The following WNT5A variants were observed in gnomAD, a reference collection of about 807,000 sequenced individuals.
WNT5A encodes Wnt family member 5A, also known as protein Wnt-5a.
WNT5A carries 9 observed loss-of-function variants against 42.1 expected under a neutral mutation model. The observed-to-expected ratio is 0.21, with a 90% confidence interval of 0.13 to 0.37. WNT5A has a LOEUF of 0.37. WNT5A is among the 10% of genes least tolerant of loss of function. WNT5A has a pLI of 1.00. For missense variants in WNT5A, 426 were observed against 534.0 expected (o/e 0.80, Z 1.99); for synonymous variants, 210 against 210.0 (o/e 1.00, Z 0.00).
At chr3:55,479,607 T>G (rs2051420377) in intron 2 of WNT5A, 43 bp from the exon 3 acceptor site, 6 of 1,533,002 alleles carry the variant, frequency 3.9e-6, no homozygotes, top group African/African-American at 1.4e-5. Flanking sequence ...ACGTGAAATC[T>G]CGAGGTGGGC....
rs1028635712 is a variant in WNT5A at position 55,469,574 on chromosome 3, T to A, written c.*518A>T. 6.5e-6 allele frequency: 1 copy of A among 152,846 alleles called. No homozygotes were observed. The highest frequency in any genetic ancestry group is 6.5e-5 in the Admixed American group (1 of 15,354). 9.5% of individuals were successfully genotyped at this position (152,846 alleles called of 1,614,324 possible). A position where few individuals can be genotyped will look rare whatever the true frequency, so the allele number is the denominator to read the frequency against. ...GCAGAAAGCAAGCTAGCAGCCCTGC[T>A]GGGGAAGGGAGGTTTGTTTTGTTTT... On this transcript the variant is annotated 3_prime_UTR_variant, in exon 5 of 5. Transcript: ENST00000264634.
the WNT5A span, among the ~76,000 whole-genome samples, chr3:55,499,568 A>G: frequency 6.6e-6 from 1 of 152,360 alleles, no homozygotes; most frequent in South Asian, 2.1e-4. Context: ...ATTTGGAAAC[A>G]TAATTTAAAT....
the WNT5A span, among the ~76,000 whole-genome samples, chr3:55,497,812 G>A: frequency 0.056 from 8,467 of 152,144 alleles, 310 homozygotes; most frequent in Middle Eastern, 0.1. Context: ...TATGAGGAGA[G>A]ATGGAGAGAG....
intron 3 of WNT5A, among the ~76,000 whole-genome samples, chr3:55,475,512 T>C (rs1217055572): frequency 6.6e-6 from 1 of 152,226 alleles, no homozygotes; most frequent in Non-Finnish European, 1.5e-5. Context: ...GAGTTATAAA[T>C]GAAGCTTGCT....
At chr3:55,485,917 C>T (rs2051570167) in intron 1 of WNT5A, among the ~76,000 whole-genome samples, 1 of 151,820 alleles carries the variant, frequency 6.6e-6, no homozygotes, top group African/African-American at 2.4e-5. Flanking sequence ...ATCTTAATTT[C>T]AATTCTAACC....
intron 3 of WNT5A, among the ~76,000 whole-genome samples, chr3:55,476,610 A>G (rs1288764515): frequency 6.6e-6 from 1 of 152,158 alleles, no homozygotes; most frequent in African/African-American, 2.4e-5. Context: ...AACACAAACA[A>G]TGCTTCTTTT....
At chr3:55,493,945 G>A (rs147141752), upstream of WNT5A, 12 of 152,312 alleles carry the variant, frequency 7.9e-5, no homozygotes, top group East Asian at 2.3e-3. Context: ...CTGAAAAGTT[G>A]TTTGCTCCTA....
chr3:55,482,845 CAA>C, intron 1 of WNT5A, among the ~76,000 whole-genome samples: 1 of 152,292 alleles, frequency 6.6e-6, no homozygotes, highest in Non-Finnish European at 1.5e-5. Flanking sequence ...GCCCAGGCTG[CAA>C]AGTCAACTCT....
the WNT5A span, among the ~76,000 whole-genome samples, chr3:55,499,723 C>G: frequency 1.3e-5 from 2 of 152,146 alleles, no homozygotes; most frequent in African/African-American, 4.8e-5. Context: ...CCTGTAATCC[C>G]AGCACTTTGG....
At chr3:55,502,271 G>C in the WNT5A span, among the ~76,000 whole-genome samples, 1 of 152,192 alleles carries the variant, frequency 6.6e-6, no homozygotes, top group Admixed American at 6.5e-5. Context: ...GTCTTGTGCT[G>C]ATGGGGTCAG....
Position 55,470,103 on chromosome 3 carries a change from C to A in WNT5A, c.1132G>T (p.Val378Leu). The A allele has an allele frequency of 6.2e-7, 1 of 1,614,082 alleles. No individual in the cohort carries two copies. ...CTGGGTGGCACCCACTACTTGCACA[C>A]AAACTGGTCCACGATCTCCGTGCAC... ...KKCTEIVDQF[V>L]CK Residue 378 changes from valine to leucine, a missense_variant, in exon 5 of 5, where the codon GTG becomes TTG. Val to Leu is a conservative substitution (Grantham distance 32). This residue lies in a region of WNT5A where 358 missense variants were observed against 468.1 expected (regional missense o/e 0.76). Coordinates refer to ENST00000264634, the MANE Select transcript of WNT5A (RefSeq NM_003392.7).
At chr3:55,471,399 T>C (rs577888381) in intron 4 of WNT5A, among the ~76,000 whole-genome samples, 1 of 152,194 alleles carries the variant, frequency 6.6e-6, no homozygotes, top group African/African-American at 2.4e-5. Flanking sequence ...CCAAGCAACA[T>C]AGATTGTGTT....
Position 55,465,819 on chromosome 3 carries a change from T to C in WNT5A, c.*4273A>G, listed in dbSNP as rs965129439. 1.3e-5 allele frequency: 2 copies of C among 152,188 alleles called. No individual in the cohort carries two copies. The highest frequency in any genetic ancestry group is 2.4e-5 in the African/African-American group (1 of 41,434). The allele number at this position is 152,188 out of a possible 1,614,324, so 9.4% of individuals were successfully genotyped here. A position where few individuals can be genotyped will look rare whatever the true frequency, so the allele number is the denominator to read the frequency against. On this transcript the variant is annotated 3_prime_UTR_variant, in exon 5 of 5. Coordinates refer to ENST00000264634, the MANE Select transcript of WNT5A (RefSeq NM_003392.7). ...GCAAATTGTACACTGCATATAAAAA[T>C]GGTCTAAGATGCAATTTTCCTCCAT...
upstream of WNT5A, among the ~76,000 whole-genome samples, chr3:55,491,483 A>G (rs920835207): frequency 6.6e-6 from 1 of 152,184 alleles, no homozygotes; most frequent in Non-Finnish European, 1.5e-5. Context: ...AAATAAATCA[A>G]TATTTTTGGC....
chr3:55,486,831 A>C, intron 1 of WNT5A, 149 bp downstream of exon 1: 2 of 707,640 alleles, frequency 2.8e-6, no homozygotes, highest in Non-Finnish European at 2.6e-6. Context: ...GCGAAGGGGT[A>C]GGGGTTCCTG....
Position 55,479,389 on chromosome 3 carries a change from A to C in WNT5A, c.316T>G (p.Tyr106Asp). 1 of 1,613,954 alleles carries C rather than the reference A, an allele frequency of 6.2e-7. No individual in the cohort carries two copies. Among genetic ancestry groups the C allele is most frequent in the East Asian group, 2.2e-5 (1 of 44,884 alleles). ...TTCCACCTTCGATGTCGGAATTGAT[A>C]CTGGCATTCTTTGATGCCTGTCTTC... ...GAKTGIKECQYQFRHRRWNCS... is the reference protein window; with the variant it reads ...GAKTGIKECQDQFRHRRWNCS... The change falls in exon 3 of 5, where the codon TAT becomes GAT. Residue 106 changes from tyrosine (Y) to aspartate (D), a missense_variant. Transcript: ENST00000264634.
intron 4 of WNT5A, 64 bp from the exon 5 acceptor site, chr3:55,470,614 A>G (rs2051232487): frequency 1.3e-5 from 18 of 1,403,436 alleles, no homozygotes; most frequent in Non-Finnish European, 1.7e-5. Context: ...GGCTATAGGA[A>G]CAAAGTTCTC....
chr3:55,485,492 CACAA>C (rs1419033550), intron 1 of WNT5A, among the ~76,000 whole-genome samples: 2 of 152,132 alleles, frequency 1.3e-5, no homozygotes, highest in Non-Finnish European at 2.9e-5. Flanking sequence ...CCCCTACACA[CACAA>C]ACACACACGC....
At chr3:55,500,443 T>C in the WNT5A span, among the ~76,000 whole-genome samples, 2 of 152,250 alleles carry the variant, frequency 1.3e-5, no homozygotes. Context: ...TAGCACTCAT[T>C]ATATTTCCTC....
Sources: gnomAD v4.1 joint callset for allele counts (sites outside exome capture counted in the v4.1 genomes callset) on GRCh38, gnomAD v4.1.1 for gene constraint, gnomAD v4.1.1 regional missense constraint, MANE v1.5 for transcripts, NCBI Gene and HGNC (gene_info 2026-07-23, HGNC 2026-07-21) for gene names.